Variants in SEC31A observed in about 807,000 individuals in gnomAD.
SEC31A encodes the protein SEC31 homolog A, COPII component.
A neutral mutation model predicts 151.0 loss-of-function variants in SEC31A; 70 were observed. The observed-to-expected ratio is 0.46, with a 90% CI of 0.38 to 0.57. The LOEUF is 0.57. Among genes scored for constraint, SEC31A ranks in the 20% least tolerant of loss-of-function variants. The pLI is 0.00. For missense variants in SEC31A, 1,330 were observed against 1,471.2 expected (o/e 0.90, Z 1.57); for synonymous variants, 475 against 505.9 (o/e 0.94, Z 0.82).
intron 3 of SEC31A, among the ~76,000 whole-genome samples, chr4:82,897,236 C>T (rs1303638353): frequency 1.3e-5 from 2 of 152,078 alleles, no homozygotes; most frequent in Non-Finnish European, 2.9e-5. Context: ...GTGTAGCTGC[C>T]CCTCCATATC....
upstream of SEC31A, chr4:82,895,324 G>C (rs538386483): frequency 6.6e-6 from 1 of 152,266 alleles, no homozygotes; most frequent in African/African-American, 2.4e-5. Flanking sequence ...AAAAAAATTA[G>C]CTGGGTGTGG....
At chr4:82,853,812 G>C (rs909829099) in intron 17 of SEC31A, 97 bp from the exon 18 acceptor site, 1 of 938,002 alleles carries the variant, frequency 1.1e-6, no homozygotes, top group Admixed American at 3.0e-5. Context: ...CATGGATTAA[G>C]CTTCATAACC....
chr4:82,834,048 T>C (rs535487312), intron 22 of SEC31A, among the ~76,000 whole-genome samples: 4 of 152,324 alleles, frequency 2.6e-5, no homozygotes, highest in African/African-American at 9.6e-5. Context: ...TCAAGGATAA[T>C]TGACTGTAAG....
intron 19 of SEC31A, among the ~76,000 whole-genome samples, chr4:82,849,899 T>A (rs1731124900): frequency 6.6e-6 from 1 of 152,100 alleles, no homozygotes; most frequent in South Asian, 2.1e-4. Context: ...CTTTAAAAAT[T>A]ATACATTCCT....
At chr4:82,881,700 G>A (rs1054459331) in intron 2 of SEC31A, among the ~76,000 whole-genome samples, 158 bp downstream of exon 2, 1 of 152,162 alleles carries the variant, frequency 6.6e-6, no homozygotes, top group African/African-American at 2.4e-5. Flanking sequence ...AATGCTATGG[G>A]AACACAGAGG....
At position 82,865,536 on chromosome 4, in the gene SEC31A, GTATATATATATATA is replaced by G. The variant is rs55681370; in HGVS notation, c.1198-952_1198-939del. ...AAATGAATGGATAAAAAAAAATGTGGTATATATATATATATATATATATATATATATATATATAT... is the reference window on the plus strand; with the variant it reads ...AAATGAATGGATAAAAAAAAATGTGGTATATATATATATATATATATATAT... On this transcript the variant is annotated intron_variant, in intron 10 of 26. Transcript: ENST00000395310. 4.8e-3 allele frequency among the ~76,000 whole-genome samples: 657 copies of G among 137,144 alleles called. 5 individuals carry two copies. The highest frequency in any genetic ancestry group is 5.5e-3 in the Non-Finnish European group (355 of 63,990). The allele number at this position is 137,144 out of a possible 152,430, so 90.0% of individuals were successfully genotyped here.
At chr4:82,825,370 T>C (rs1344407172) in intron 24 of SEC31A, among the ~76,000 whole-genome samples, 2 of 152,152 alleles carry the variant, frequency 1.3e-5, no homozygotes, top group Non-Finnish European at 2.9e-5. Flanking sequence ...TTTAAAAACA[T>C]CACCAATGTA....
At chr4:82,841,465 T>G (rs868536999) in intron 22 of SEC31A, among the ~76,000 whole-genome samples, 1 of 103,220 alleles carries the variant, frequency 9.7e-6, no homozygotes, top group East Asian at 3.1e-4. Flanking sequence ...TATATATATA[T>G]ATACACACAC....
intron 1 of SEC31A, 94 bp downstream of exon 1, chr4:82,890,994 G>A (rs1167438129): frequency 6.6e-7 from 1 of 1,515,872 alleles, no homozygotes; most frequent in Non-Finnish European, 8.8e-7. Context: ...GTGCGGGGCA[G>A]CGGAGACCCA....
At chr4:82,888,364 A>C (rs1301337615) in intron 1 of SEC31A, among the ~76,000 whole-genome samples, 3 of 99,470 alleles carry the variant, frequency 3.0e-5, no homozygotes, top group South Asian at 2.9e-4. Context: ...AAAAAAAAAA[A>C]AAAAAAAAAC....
At chr4:82,859,309 C>A (rs1204206530) in intron 14 of SEC31A, among the ~76,000 whole-genome samples, 1 of 152,132 alleles carries the variant, frequency 6.6e-6, no homozygotes, top group Non-Finnish European at 1.5e-5. Flanking sequence ...ACCTGCAAGA[C>A]TGATTAAAAA....
chr4:82,849,070 A>C (rs181693669), intron 19 of SEC31A, 93 bp from the exon 20 acceptor site: 2 of 1,175,622 alleles, frequency 1.7e-6, no homozygotes, highest in African/African-American at 3.1e-5. Flanking sequence ...TCATCAAGAT[A>C]TCCCTTTTTG....
chr4:82,833,711 G>T (rs1400491749), intron 22 of SEC31A, among the ~76,000 whole-genome samples: 1 of 152,026 alleles, frequency 6.6e-6, no homozygotes, highest in Non-Finnish European at 1.5e-5. Flanking sequence ...TCAAGGGTAT[G>T]GAATGTCAGT....
chr4:82,848,702 G>T, intron 20 of SEC31A, 102 bp downstream of exon 20: 1 of 943,526 alleles, frequency 1.1e-6, no homozygotes, highest in Non-Finnish European at 1.6e-6. Flanking sequence ...ATATTGTCTA[G>T]TTTTACCATA....
chr4:82,895,120 G>C (rs567228272), upstream of SEC31A: 9 of 152,304 alleles, frequency 5.9e-5, no homozygotes, highest in African/African-American at 1.7e-4. Flanking sequence ...ATATCTAACA[G>C]TCATTTGTAA....
chr4:82,852,776 G>T (rs372958656), intron 18 of SEC31A, among the ~76,000 whole-genome samples: 1 of 152,198 alleles, frequency 6.6e-6, no homozygotes, highest in East Asian at 1.9e-4. Context: ...TCTTGCTTGT[G>T]TATTGGTGTC....
At chr4:82,824,294 T>C (rs1235020561) in intron 25 of SEC31A, among the ~76,000 whole-genome samples, 1 of 152,070 alleles carries the variant, frequency 6.6e-6, no homozygotes, top group African/African-American at 2.4e-5. Context: ...ACCTCTGCCT[T>C]CTGGGTTCAA....
chr4:82,836,006 AAC>A (rs956310231), intron 22 of SEC31A, among the ~76,000 whole-genome samples: 1 of 152,104 alleles, frequency 6.6e-6, no homozygotes, highest in African/African-American at 2.4e-5. Flanking sequence ...TGCTGTGAAA[AAC>A]AGTGTGGTGG....
At chr4:82,824,461 T>C in intron 25 of SEC31A, 94 bp downstream of exon 25, 1 of 1,381,948 alleles carries the variant, frequency 7.2e-7, no homozygotes, top group Non-Finnish European at 9.8e-7. Context: ...TACCTCGGCC[T>C]CCCAAAGTGC....
Sources: gnomAD v4.1 joint callset for allele counts (sites outside exome capture counted in the v4.1 genomes callset) on GRCh38, gnomAD v4.1.1 for gene constraint, MANE v1.5 for transcripts, NCBI Gene and HGNC (gene_info 2026-07-23, HGNC 2026-07-21) for gene names.